The following SHISA6 variants were observed in gnomAD, a reference collection of about 807,000 sequenced individuals.
The protein encoded by SHISA6 is shisa family member 6, also known as protein shisa-6.
In SHISA6, 22 loss-of-function variants were observed where a neutral mutation model predicts 47.9. That is an observed-to-expected ratio of 0.46 (90% CI 0.33 to 0.66). The LOEUF is 0.66. Ranked by LOEUF, SHISA6 falls within the 30% of genes least tolerant of loss-of-function variation. The pLI, the probability that SHISA6 is intolerant of heterozygous loss-of-function variation, is 0.02. For missense variants in SHISA6, 680 were observed against 764.6 expected, an observed-to-expected ratio of 0.89 and a Z score of 1.30; for synonymous variants, 388 against 337.8, an observed-to-expected ratio of 1.15 and a Z score of -1.63.
At chr17:11,454,163 G>A (rs531695709) in intron 3 of SHISA6, among the ~76,000 whole-genome samples, 15 of 151,964 alleles carry the variant, frequency 9.9e-5, no homozygotes, top group Non-Finnish European at 1.9e-4. Context: ...ATTCTTTATC[G>A]CTGTCTCTTC....
intron 2 of SHISA6, among the ~76,000 whole-genome samples, chr17:11,335,014 C>A (rs1210561315): frequency 6.6e-6 from 1 of 152,224 alleles, no homozygotes; most frequent in South Asian, 2.1e-4. Flanking sequence ...GGGAGGCTGG[C>A]AACTTATTCA....
chr17:11,391,513 G>A (rs1289843367), intron 3 of SHISA6, among the ~76,000 whole-genome samples: 1 of 152,132 alleles, frequency 6.6e-6, no homozygotes, highest in African/African-American at 2.4e-5. Flanking sequence ...TCTGTGTGTG[G>A]CTGACTCCAT....
chr17:11,460,129 G>A (rs1257035642), intron 3 of SHISA6, among the ~76,000 whole-genome samples: 2 of 152,186 alleles, frequency 1.3e-5, no homozygotes, highest in African/African-American at 4.8e-5. Context: ...AGTGTGCAAG[G>A]CTGTGGAAAT....
At chr17:11,518,515 G>A (rs1034787071) in intron 3 of SHISA6, among the ~76,000 whole-genome samples, 3 of 152,100 alleles carry the variant, frequency 2.0e-5, no homozygotes, top group African/African-American at 7.2e-5. Context: ...CCTGTGATCT[G>A]TACTGGCTTA....
chr17:11,549,943 C>A (rs189453113), intron 3 of SHISA6, among the ~76,000 whole-genome samples: 3 of 152,024 alleles, frequency 2.0e-5, no homozygotes, highest in African/African-American at 7.3e-5. Context: ...CAATCTTTGG[C>A]AAACAGTTTC....
In SHISA6 at chr17:11,301,981, C is replaced by T. The variant is rs539073966; in HGVS notation, c.799+38455C>T. Among the ~76,000 whole-genome samples the T allele has an allele frequency of 5.3e-5, 8 of 152,224 alleles. No individual in the cohort carries two copies. The South Asian group carries it at 6.2e-4, about 12-fold the overall frequency. ...GAGGCAAAAGGCACTTCTTACATGG[C>T]GGCGGCAAGAGAAAATGAGGAAAAA... On this transcript the variant is annotated intron_variant, in intron 2 of 5. Transcript: ENST00000441885.
chr17:11,460,398 G>A (rs1915661589), intron 3 of SHISA6, among the ~76,000 whole-genome samples: 1 of 152,136 alleles, frequency 6.6e-6, no homozygotes, highest in South Asian at 2.1e-4. Flanking sequence ...TTGTTTGTTT[G>A]TTTGTTTTTT....
At chr17:11,467,235 G>A (rs1054264381) in intron 3 of SHISA6, among the ~76,000 whole-genome samples, 5 of 152,048 alleles carry the variant, frequency 3.3e-5, no homozygotes, top group South Asian at 2.1e-4. Flanking sequence ...CCATGTCCAC[G>A]TACTGCTCTT....
At chr17:11,388,246 C>A (rs1448189350) in intron 3 of SHISA6, among the ~76,000 whole-genome samples, 1 of 152,128 alleles carries the variant, frequency 6.6e-6, no homozygotes, top group Non-Finnish European at 1.5e-5. Context: ...CAGAAGGCGT[C>A]GAGTCTCCAT....
intron 1 of SHISA6, among the ~76,000 whole-genome samples, chr17:11,248,777 C>T (rs1003223581): frequency 6.6e-6 from 1 of 152,268 alleles, no homozygotes; most frequent in Admixed American, 6.5e-5. Flanking sequence ...AGGAAAATAA[C>T]AGCACAACCA....
chr17:11,429,301 G>A (rs1187353085), intron 3 of SHISA6, among the ~76,000 whole-genome samples: 2 of 152,194 alleles, frequency 1.3e-5, no homozygotes, highest in Middle Eastern at 3.4e-3. Flanking sequence ...TGGAAGTCAC[G>A]GTCTTTTATT....
In SHISA6 at chr17:11,335,864, T is replaced by G. The variant is rs554983762; in HGVS notation, c.800-43550T>G. Among the ~76,000 whole-genome samples, 3 of 152,266 alleles carry G rather than the reference T, an allele frequency of 2.0e-5. No individual in the cohort carries two copies. The South Asian group carries it at 6.2e-4, about 32-fold the overall frequency. On this transcript the variant is annotated intron_variant, in intron 2 of 5. Transcript: ENST00000441885. The stretch of plus-strand genomic sequence containing the variant: ...CAATAAAGTTTATTTCATAACACGC[T>G]TAGTGGTTCAAATGACATATGCGAG...
intron 2 of SHISA6, among the ~76,000 whole-genome samples, chr17:11,324,342 C>T (rs1009817943): frequency 1.3e-5 from 2 of 152,164 alleles, no homozygotes; most frequent in Non-Finnish European, 2.9e-5. Context: ...CTGTCTTTGG[C>T]ATGAACAGAA....
At chr17:11,429,793 AAAAT>A (rs964104070) in intron 3 of SHISA6, among the ~76,000 whole-genome samples, 3 of 148,936 alleles carry the variant, frequency 2.0e-5, no homozygotes, top group African/African-American at 5.0e-5. Context: ...CTCCGTCTCA[AAAAT>A]AAATAAATAA....
chr17:11,335,633 AC>A (rs1361014736), intron 2 of SHISA6, among the ~76,000 whole-genome samples: 8 of 152,024 alleles, frequency 5.3e-5, no homozygotes, highest in African/African-American at 1.9e-4. Flanking sequence ...TGTGGCAAAA[AC>A]CTAGTGTTTG....
intron 3 of SHISA6, among the ~76,000 whole-genome samples, chr17:11,421,756 T>C (rs985604571): frequency 2.0e-5 from 3 of 152,226 alleles, no homozygotes; most frequent in African/African-American, 7.2e-5. Context: ...TGAGTTTCTT[T>C]GCAAATGGAG....
At chr17:11,519,980 G>A (rs2071615737) in intron 3 of SHISA6, among the ~76,000 whole-genome samples, 1 of 151,990 alleles carries the variant, frequency 6.6e-6, no homozygotes, top group Admixed American at 6.6e-5. Context: ...TAGGTTGAAG[G>A]GCTTCCTCTG....
At position 11,538,500 on chromosome 17, in the gene SHISA6, G is replaced by A. The variant is rs187851604; in HGVS notation, c.896-13396G>A. On this transcript the variant is annotated intron_variant, in intron 3 of 5. Transcript: ENST00000441885. ...GGACAGCAGAAGGAAACCAGTCCGT[G>A]TGAGTCCCTGGCATGTTGAGTGAAA... Among the ~76,000 whole-genome samples the A allele has an allele frequency of 1.2e-4, 18 of 152,310 alleles. No homozygotes were observed. In the East Asian group the frequency reaches 2.3e-3, roughly 20 times the overall value.
chr17:11,299,734 C>T (rs963170550), intron 2 of SHISA6, among the ~76,000 whole-genome samples: 2 of 152,186 alleles, frequency 1.3e-5, no homozygotes, highest in Non-Finnish European at 2.9e-5. Context: ...CTGACTCTGA[C>T]CAACCTGTGT....
Sources: gnomAD v4.1 joint callset for allele counts (sites outside exome capture counted in the v4.1 genomes callset) on GRCh38, gnomAD v4.1.1 for gene constraint, MANE v1.5 for transcripts, NCBI Gene and HGNC (gene_info 2026-07-23, HGNC 2026-07-21) for gene names.